Variants in AMPD3 observed in about 807,000 individuals in gnomAD.
AMPD3 encodes adenosine monophosphate deaminase 3, also known as AMP deaminase 3.
AMPD3 carries 57 observed loss-of-function variants against 82.3 expected under a neutral mutation model. The observed-to-expected ratio is 0.69, with a 90% CI of 0.56 to 0.86. The LOEUF (loss-of-function observed/expected upper bound fraction) is 0.86, where lower values mean the gene tolerates loss of function less well. Ranked by LOEUF, AMPD3 falls within the 40% of genes least tolerant of loss-of-function variation. The pLI is 0.00. For synonymous variants in AMPD3, 381 were observed against 394.7 expected, an observed-to-expected ratio of 0.97 and a Z score of 0.41; for missense variants, 870 against 1,003.8, an observed-to-expected ratio of 0.87 and a Z score of 1.80.
chr11:10,507,127 G>C lies in AMPD3; in HGVS notation c.*1243G>C, dbSNP rs1270407159. ...CAATAAATGCATATTGAATAACTAAGTGAATTTCTTTTGGCAACTTTTTAA... is the reference window on the plus strand; with the variant it reads ...CAATAAATGCATATTGAATAACTAACTGAATTTCTTTTGGCAACTTTTTAA... On this transcript the variant is annotated 3_prime_UTR_variant, in exon 15 of 15. Coordinates refer to ENST00000396553, the MANE Select transcript of AMPD3 (RefSeq NM_001025389.2). 2 of 152,572 alleles carry C rather than the reference G, an allele frequency of 1.3e-5. No homozygotes were observed. Among genetic ancestry groups the C allele is most frequent in the Non-Finnish European group, 2.9e-5 (2 of 68,034 alleles). The allele number at this position is 152,572 out of a possible 1,614,324, so 9.5% of individuals were successfully genotyped here.
chr11:10,483,224 C>A (rs143456243), intron 4 of AMPD3, among the ~76,000 whole-genome samples: 1 of 152,134 alleles, frequency 6.6e-6, no homozygotes, highest in African/African-American at 2.4e-5. Context: ...CTCATGAAGC[C>A]TTGCCATGAA....
At chr11:10,494,772 C>A (rs567080112) in intron 7 of AMPD3, 127 bp from the exon 8 acceptor site, 2 of 1,571,520 alleles carry the variant, frequency 1.3e-6, no homozygotes, top group African/African-American at 1.3e-5. Flanking sequence ...AGGTTTCATG[C>A]AAGAATTGAC....
Position 10,492,751 on chromosome 11 carries a change from C to G in AMPD3, c.940-598C>G, listed in dbSNP as rs1157228596. 2.0e-5 allele frequency among the ~76,000 whole-genome samples: 3 copies of G among 152,108 alleles called. No individual in the cohort carries two copies. In the East Asian group the frequency reaches 5.8e-4, roughly 29 times the overall value. On this transcript the variant is annotated intron_variant, in intron 6 of 14. Coordinates refer to ENST00000396553, the MANE Select transcript of AMPD3 (RefSeq NM_001025389.2). ...GGACGGTCTGCACAACAATGGGATG[C>G]CTGTGCCAGGTTTTGAGGTTGGGCA...
upstream of AMPD3, among the ~76,000 whole-genome samples, chr11:10,453,098 C>T (rs957010527): frequency 3.3e-5 from 5 of 152,144 alleles, no homozygotes; most frequent in South Asian, 2.1e-4. Context: ...TACAGGCGCC[C>T]GCTACCATGC....
chr11:10,451,026 C>A, upstream of AMPD3: 1 of 1,583,302 alleles, frequency 6.3e-7, no homozygotes, highest in Non-Finnish European at 8.5e-7. Flanking sequence ...GGCGGCATGG[C>A]CCTGTCGTCC....
At chr11:10,467,790 A>G (rs902375070) in intron 2 of AMPD3, among the ~76,000 whole-genome samples, 1 of 152,206 alleles carries the variant, frequency 6.6e-6, no homozygotes, top group Non-Finnish European at 1.5e-5. Context: ...ACCCACAAAG[A>G]GAAGCCCATC....
chr11:10,495,595 G>A lies in AMPD3; in HGVS notation c.1292G>A (p.Ser431Asn), dbSNP rs1849370338. The change falls in exon 9 of 15, where the codon AGC becomes AAC. Residue 431 changes from serine to asparagine, a missense_variant. Transcript: ENST00000396553. ...GAGGTTGCCCGGGAGCTGGAGGAGA[G>A]CAAGTACCAGTACTCAGAGCCACGG... ...VKEVARELEE[S>N]KYQYSEPRLS... 2 of 1,613,344 alleles carry A rather than the reference G, an allele frequency of 1.2e-6. No homozygotes were observed. The highest frequency in any genetic ancestry group is 1.7e-6 in the Non-Finnish European group (2 of 1,180,024).
chr11:10,497,778 T>C (rs1194025992), intron 10 of AMPD3: 5 of 985,216 alleles, frequency 5.1e-6, no homozygotes, highest in Non-Finnish European at 6.0e-6. Context: ...GAGGGGAGCT[T>C]GACCCAGCGG....
At chr11:10,496,147 C>T in intron 9 of AMPD3, 1 of 828,206 alleles carries the variant, frequency 1.2e-6, no homozygotes, top group Non-Finnish European at 1.5e-6. Context: ...GAACTCCTGA[C>T]CTCGTGATCC....
rs1157533660 is a variant in AMPD3, at chr11:10,505,900, T to C, written c.*16T>C. 6.2e-7 allele frequency: 1 copy of C among 1,613,994 alleles called. No individual in the cohort carries two copies. The highest frequency in any genetic ancestry group is 8.5e-7 in the Non-Finnish European group (1 of 1,180,002). ...GACCAACTAGGTCCAGCATTTGACA[T>C]GCATTTTAACTTTTTGGTTCAATTT... On this transcript the variant is annotated 3_prime_UTR_variant, in exon 15 of 15. Coordinates refer to ENST00000396553, the MANE Select transcript of AMPD3 (RefSeq NM_001025389.2).
At chr11:10,503,848 G>T in intron 13 of AMPD3, 1 of 416,526 alleles carries the variant, frequency 2.4e-6, no homozygotes, top group Non-Finnish European at 3.2e-6. Flanking sequence ...ATACATAATT[G>T]GAAAAGACAA....
intron 3 of AMPD3, among the ~76,000 whole-genome samples, chr11:10,479,426 T>C (rs1464486313): frequency 6.6e-6 from 1 of 152,210 alleles, no homozygotes; most frequent in Non-Finnish European, 1.5e-5. Context: ...TTTTTAACAG[T>C]AGCTGTAGAA....
rs57397735 is a variant in AMPD3, at chr11:10,494,124, C to G, written c.1134+581C>G. Among the ~76,000 whole-genome samples the G allele has an allele frequency of 9.5e-3, 1,453 of 152,250 alleles. 26 individuals carry two copies. The highest frequency in any genetic ancestry group is 0.033 in the African/African-American group (1,372 of 41,536). On this transcript the variant is annotated intron_variant, in intron 7 of 14. Coordinates refer to ENST00000396553, the MANE Select transcript of AMPD3 (RefSeq NM_001025389.2). ...AATGGGTAAACAAAATGTGGTATAT[C>G]CATACAACGGAATATCATTCAGCCA...
At chr11:10,452,281 T>C (rs564126673), upstream of AMPD3, among the ~76,000 whole-genome samples, 191 of 152,330 alleles carry the variant, frequency 1.3e-3, 1 homozygote, top group African/African-American at 4.4e-3. Context: ...CATGTAGCCT[T>C]CGGGTTAACA....
In AMPD3 at chr11:10,466,679, G is replaced by T. The variant is rs1007617699; in HGVS notation, c.221+4939G>T. 2.6e-5 allele frequency among the ~76,000 whole-genome samples: 4 copies of T among 152,346 alleles called. No individual in the cohort carries two copies. The East Asian group carries it at 7.7e-4, about 29-fold the overall frequency. The stretch of plus-strand genomic sequence containing the variant: ...AGACCAGCAGTCCTCCCAGCACAGC[G>T]TTCAAGCTCTGCTAAGGGTGAGACT... On this transcript the variant is annotated intron_variant, in intron 2 of 14. Transcript: ENST00000396553.
chr11:10,479,122 A>G (rs954894403), intron 3 of AMPD3, among the ~76,000 whole-genome samples: 1 of 152,176 alleles, frequency 6.6e-6, no homozygotes, highest in African/African-American at 2.4e-5. Context: ...GTGTGAAATT[A>G]GTTGTTGCTA....
At chr11:10,485,071 T>G in intron 5 of AMPD3, 32 bp downstream of exon 5, 1 of 1,585,230 alleles carries the variant, frequency 6.3e-7, no homozygotes, top group Non-Finnish European at 8.6e-7. Flanking sequence ...TGCCTGTCTT[T>G]GCACAGGTGC....
chr11:10,500,382 C>A, intron 11 of AMPD3, 133 bp downstream of exon 11: 1 of 1,262,018 alleles, frequency 7.9e-7, no homozygotes. Flanking sequence ...GTCCATGTGC[C>A]CACACACCTC....
intron 3 of AMPD3, chr11:10,481,429 A>G: frequency 1.0e-6 from 1 of 985,312 alleles, no homozygotes; most frequent in African/African-American, 1.7e-5. Context: ...TGGCTTAATT[A>G]GCTGCATGTG....
Sources: gnomAD v4.1 joint callset for allele counts (sites outside exome capture counted in the v4.1 genomes callset) on GRCh38, gnomAD v4.1.1 for gene constraint, MANE v1.5 for transcripts, NCBI Gene and HGNC (gene_info 2026-07-23, HGNC 2026-07-21) for gene names.